Variants in TMPRSS12 observed in about 807,000 individuals in gnomAD.
TMPRSS12 encodes the protein transmembrane protease serine 12.
Under a neutral mutation model 26.0 loss-of-function variants are expected in TMPRSS12, and 25 were observed. The observed-to-expected ratio is 0.96, with a 90% CI of 0.70 to 1.34. The LOEUF (loss-of-function observed/expected upper bound fraction) is 1.34. Among genes scored for constraint, TMPRSS12 ranks in the 40% most tolerant of loss-of-function variants. The probability of loss-of-function intolerance (pLI) is 0.00; values close to 1 mark genes in which losing one functional copy is unlikely to be tolerated. For synonymous variants in TMPRSS12, 150 were observed against 161.7 expected (o/e 0.93, Z 0.55); for missense variants, 441 against 440.1 (o/e 1.00, Z -0.02).
chr12:50,856,254 C>G (rs829131), intron 2 of TMPRSS12, among the ~76,000 whole-genome samples: 98,015 of 151,494 alleles, frequency 0.65, 31,977 homozygotes, highest in Non-Finnish European at 0.7. Flanking sequence ...CACTTGCTAT[C>G]TTGCTCCTTC....
intron 3 of TMPRSS12, among the ~76,000 whole-genome samples, chr12:50,873,755 A>G (rs767266816): frequency 2.6e-5 from 4 of 152,164 alleles, no homozygotes; most frequent in Non-Finnish European, 5.9e-5. Context: ...TTCAATGCAT[A>G]GTATAGTTCT....
chr12:50,845,451 T>A (rs1480189767), intron 2 of TMPRSS12, among the ~76,000 whole-genome samples: 2 of 152,216 alleles, frequency 1.3e-5, no homozygotes, highest in African/African-American at 4.8e-5. Flanking sequence ...CTAATCTACC[T>A]CTGTTTCAGC....
intron 2 of TMPRSS12, among the ~76,000 whole-genome samples, chr12:50,856,985 C>T (rs528481273): frequency 1.3e-3 from 194 of 152,078 alleles, no homozygotes; most frequent in African/African-American, 4.5e-3. Context: ...CCACCATGCC[C>T]GGCCTAGAAC....
At chr12:50,881,840 G>A (rs1026581758) in intron 3 of TMPRSS12, among the ~76,000 whole-genome samples, 25 of 149,832 alleles carry the variant, frequency 1.7e-4, no homozygotes, top group Non-Finnish European at 3.1e-4. Flanking sequence ...GCGTGGTGGC[G>A]TGAGCCTGTA....
chr12:50,856,766 G>A (rs909463554), intron 2 of TMPRSS12, among the ~76,000 whole-genome samples: 1 of 152,088 alleles, frequency 6.6e-6, no homozygotes, highest in African/African-American at 2.4e-5. Context: ...GCTCACTGCA[G>A]CCTTAACCTC....
In TMPRSS12 at chr12:50,885,244, A is replaced by G; in HGVS notation, c.653-2A>G. On this transcript the variant is annotated splice_acceptor_variant, in intron 3 of 4. Transcript: ENST00000398458. LOFTEE classifies it high-confidence loss of function. ...TAACTTACTGGTATTTTTTGTTAAC[A>G]GGTAACGCTACAAATATTTTACAAG... 1 of 1,579,758 alleles carries G rather than the reference A, an allele frequency of 6.3e-7. No homozygotes were observed. Among genetic ancestry groups the G allele is most frequent in the South Asian group, 1.2e-5 (1 of 85,402 alleles).
At position 50,859,023 on chromosome 12, in the gene TMPRSS12, A is replaced by G. The variant is rs1165439902; in HGVS notation, c.622A>G (p.Ile208Val). 6.3e-7 allele frequency: 1 copy of G among 1,599,812 alleles called. No individual in the cohort carries two copies. Among genetic ancestry groups the G allele is most frequent in the Non-Finnish European group, 8.5e-7 (1 of 1,174,516 alleles). The change falls in exon 3 of 5, where the codon ATA becomes GTA. Residue 208 changes from isoleucine (I) to valine (V), a missense_variant. Ile to Val is a conservative substitution (Grantham distance 29). Coordinates refer to ENST00000398458, the MANE Select transcript of TMPRSS12 (RefSeq NM_182559.3). The part of the protein sequence containing the change: ...QILDGNTKCF[I>V]SGWGRTKEEG... The stretch of plus-strand genomic sequence containing the variant: ...CCTGGACGGAAACACAAAGTGTTTT[A>G]TAAGTGGCTGGGGAAGAACAAAAGA...
intron 2 of TMPRSS12, 23 bp downstream of exon 2, chr12:50,844,060 T>A (rs373773279): frequency 2.3e-4 from 336 of 1,493,058 alleles, no homozygotes; most frequent in Non-Finnish European, 3.0e-4. Context: ...AACACAACTA[T>A]TTTTATGCTC....
intron 2 of TMPRSS12, among the ~76,000 whole-genome samples, chr12:50,853,458 G>T (rs1285339965): frequency 1.3e-5 from 2 of 149,850 alleles, no homozygotes; most frequent in South Asian, 2.1e-4. Flanking sequence ...CAGAAGAAAA[G>T]AATTAACCAA....
rs545100335 is a variant in TMPRSS12, at chr12:50,876,876, T to TA, written c.653-8363dup. Reference sequence around the variant, plus strand: ...TGCACCATGGAATACTATACAGCCATAAAAAAACAGAATCATGTCCTTTGC... The same window carrying TA: ...TGCACCATGGAATACTATACAGCCATAAAAAAAACAGAATCATGTCCTTTGC... On this transcript the variant is annotated intron_variant, in intron 3 of 4. Coordinates refer to ENST00000398458, the MANE Select transcript of TMPRSS12 (RefSeq NM_182559.3). Among the ~76,000 whole-genome samples, 1,063 of 144,804 alleles carry TA rather than the reference T, an allele frequency of 7.3e-3. 11 individuals carry two copies. Among genetic ancestry groups the TA allele is most frequent in the African/African-American group, 0.026 (1,017 of 39,040 alleles). The allele number at this position is 144,804 out of a possible 152,430, so 95.0% of individuals were successfully genotyped here.
At chr12:50,871,997 T>C (rs1391528316) in intron 3 of TMPRSS12, among the ~76,000 whole-genome samples, 1 of 151,698 alleles carries the variant, frequency 6.6e-6, no homozygotes, top group Non-Finnish European at 1.5e-5. Context: ...CTGGTGGGAA[T>C]GTAAACTAGT....
intron 3 of TMPRSS12, among the ~76,000 whole-genome samples, chr12:50,873,608 T>A (rs543952347): frequency 6.6e-6 from 1 of 152,278 alleles, no homozygotes; most frequent in East Asian, 1.9e-4. Flanking sequence ...AAATAAACAT[T>A]CTCCGTACAC....
At chr12:50,850,740 T>A (rs1157484341) in intron 2 of TMPRSS12, among the ~76,000 whole-genome samples, 2 of 152,150 alleles carry the variant, frequency 1.3e-5, no homozygotes, top group Non-Finnish European at 2.9e-5. Context: ...TGCTGGCACA[T>A]GCACACAAGC....
rs1341904148 is a variant in TMPRSS12, at chr12:50,844,094, G to C, written c.383+57G>C. ...TCTTAGGGGATATTTTGAAGTGATA[G>C]AGGACCATTTAACTTCAGCCATTTT... is the stretch of plus-strand genomic sequence containing the variant. On this transcript the variant is annotated intron_variant, in intron 2 of 4. Coordinates refer to ENST00000398458, the MANE Select transcript of TMPRSS12 (RefSeq NM_182559.3). 10 of 1,422,808 alleles carry C rather than the reference G, an allele frequency of 7.0e-6. No individual in the cohort carries two copies. The East Asian group carries it at 2.6e-4, about 36-fold the overall frequency. 88.1% of individuals were successfully genotyped at this position (1,422,808 alleles called of 1,614,324 possible).
intron 3 of TMPRSS12, among the ~76,000 whole-genome samples, chr12:50,869,176 CAAA>C (rs34723646): frequency 6.7e-6 from 1 of 149,530 alleles, no homozygotes; most frequent in Non-Finnish European, 1.5e-5. Context: ...GAAATTGAAA[CAAA>C]AAAAAAATAC....
intron 2 of TMPRSS12, among the ~76,000 whole-genome samples, chr12:50,858,035 G>C (rs1049368273): frequency 6.6e-6 from 1 of 151,992 alleles, no homozygotes; most frequent in Non-Finnish European, 1.5e-5. Context: ...GTAGAGACAG[G>C]GTTTCACCAT....
intron 1 of TMPRSS12, 124 bp from the exon 2 acceptor site, chr12:50,843,718 G>T: frequency 1.0e-6 from 1 of 962,988 alleles, no homozygotes; most frequent in Non-Finnish European, 1.5e-6. Context: ...GCGTGTCTCC[G>T]GTATGTTAGC....
Position 50,887,610 on chromosome 12 carries a change from T to A in TMPRSS12, c.*97T>A. 1 of 1,440,756 alleles carries A rather than the reference T, an allele frequency of 6.9e-7. No individual in the cohort carries two copies. Among genetic ancestry groups the A allele is most frequent in the Non-Finnish European group, 9.3e-7 (1 of 1,075,124 alleles). The allele number at this position is 1,440,756 out of a possible 1,614,324, so 89.2% of individuals were successfully genotyped here. A position where few individuals can be genotyped will look rare whatever the true frequency, so the allele number is the denominator to read the frequency against. On this transcript the variant is annotated 3_prime_UTR_variant, in exon 5 of 5. Transcript: ENST00000398458. ...TTTATTCTTCTAGCAATTAATTGCC[T>A]ACATTAGAGATTTCATGTGAACATT...
chr12:50,860,246 G>A (rs1379046884), intron 3 of TMPRSS12, among the ~76,000 whole-genome samples: 1 of 152,196 alleles, frequency 6.6e-6, no homozygotes, highest in African/African-American at 2.4e-5. Flanking sequence ...TATCAGGCAA[G>A]ATGATTGCGA....
Sources: gnomAD v4.1 joint callset for allele counts (sites outside exome capture counted in the v4.1 genomes callset) on GRCh38, gnomAD v4.1.1 for gene constraint, MANE v1.5 for transcripts, NCBI Gene and HGNC (gene_info 2026-07-23, HGNC 2026-07-21) for gene names.